The following DLG2 variants were observed in gnomAD, a reference collection of about 807,000 sequenced individuals.
DLG2 encodes discs large MAGUK scaffold protein 2, also known as disks large homolog 2.
A neutral mutation model predicts 132.5 loss-of-function variants in DLG2; 45 were observed. The ratio of observed to expected loss-of-function variants is 0.34; its 90% CI spans 0.27 to 0.44. The LOEUF is 0.44. Among genes scored for constraint, DLG2 ranks in the 20% least tolerant of loss-of-function variants. The probability of loss-of-function intolerance (pLI) is 1.00; values close to 1 mark genes in which losing one functional copy is unlikely to be tolerated. For missense variants in DLG2, 1,045 were observed against 1,196.9 expected (o/e 0.87, Z 1.87); for synonymous variants, 424 against 419.6 (o/e 1.01, Z -0.13).
chr11:85,534,992 C>A (rs1346602547), intron 3 of DLG2, among the ~76,000 whole-genome samples: 1 of 152,190 alleles, frequency 6.6e-6, no homozygotes, highest in African/African-American at 2.4e-5. Flanking sequence ...CACAACCTCA[C>A]CAACACTTGT....
intron 7 of DLG2, among the ~76,000 whole-genome samples, chr11:84,313,649 G>GAAAGAA (rs1555500610): frequency 2.4e-5 from 3 of 125,912 alleles, no homozygotes; most frequent in African/African-American, 9.0e-5. Flanking sequence ...GAAAAAGAAA[G>GAAAGAA]AAAGAAAGAA....
At chr11:84,902,709 T>C (rs561119639) in intron 6 of DLG2, among the ~76,000 whole-genome samples, 2 of 152,294 alleles carry the variant, frequency 1.3e-5, no homozygotes, top group East Asian at 3.9e-4. Context: ...CTGGCATGTA[T>C]AGCTGTCCAC....
At chr11:84,914,228 C>T (rs981242387) in intron 6 of DLG2, among the ~76,000 whole-genome samples, 6 of 151,972 alleles carry the variant, frequency 3.9e-5, no homozygotes, top group Non-Finnish European at 1.5e-5. Context: ...TTGAAAGTGC[C>T]AAAGTCTACA....
chr11:84,923,139 T>C (rs1287630787), intron 6 of DLG2: 6 of 1,613,680 alleles, frequency 3.7e-6, no homozygotes, highest in South Asian at 1.1e-5. Flanking sequence ...AAGGAGCATA[T>C]GGACCGGTAT....
chr11:84,817,611 G>A (rs986405754), intron 6 of DLG2, among the ~76,000 whole-genome samples: 2 of 152,004 alleles, frequency 1.3e-5, no homozygotes, highest in South Asian at 2.1e-4. Context: ...TGCAGCTTAT[G>A]AGTCTGGGAG....
chr11:84,899,249 G>C (rs2154069379), intron 6 of DLG2, among the ~76,000 whole-genome samples: 1 of 152,122 alleles, frequency 6.6e-6, no homozygotes, highest in Middle Eastern at 3.4e-3. Flanking sequence ...CCACTCTGAT[G>C]AAATTACAAT....
At chr11:83,532,182 C>G (rs895428027) in intron 21 of DLG2, among the ~76,000 whole-genome samples, 2 of 152,024 alleles carry the variant, frequency 1.3e-5, no homozygotes, top group Admixed American at 6.6e-5. Context: ...ATTTTAAAAA[C>G]ATGTACACAT....
chr11:83,922,517 C>A (rs967789660), intron 15 of DLG2, among the ~76,000 whole-genome samples: 15 of 152,236 alleles, frequency 9.9e-5, no homozygotes. Flanking sequence ...ATAAAGAATT[C>A]TTTAAGATTA....
chr11:85,518,948 G>C (rs957102474), intron 3 of DLG2, among the ~76,000 whole-genome samples: 3 of 152,290 alleles, frequency 2.0e-5, no homozygotes, highest in African/African-American at 7.2e-5. Flanking sequence ...GTGGTGTTGA[G>C]CCTGTGGGTG....
At chr11:84,815,362 G>T (rs1231844998) in intron 6 of DLG2, among the ~76,000 whole-genome samples, 1 of 152,028 alleles carries the variant, frequency 6.6e-6, no homozygotes, top group Non-Finnish European at 1.5e-5. Flanking sequence ...GTCAAAATTT[G>T]ATGACATCTC....
At chr11:83,517,635 T>C (rs980859840) in intron 21 of DLG2, among the ~76,000 whole-genome samples, 2 of 152,196 alleles carry the variant, frequency 1.3e-5, no homozygotes, top group African/African-American at 4.8e-5. Context: ...CTCTGTTTTT[T>C]CCCCATCTTT....
intron 3 of DLG2, among the ~76,000 whole-genome samples, chr11:85,309,970 G>C (rs1347133786): frequency 6.6e-6 from 1 of 152,020 alleles, no homozygotes; most frequent in Non-Finnish European, 1.5e-5. Context: ...ATGCTACCTG[G>C]TACATAGCAG....
intron 3 of DLG2, among the ~76,000 whole-genome samples, chr11:85,406,154 C>T (rs1036535050): frequency 3.3e-5 from 5 of 151,664 alleles, no homozygotes; most frequent in African/African-American, 1.2e-4. Flanking sequence ...AAACATTGGA[C>T]TCTGAATGAA....
intron 6 of DLG2, among the ~76,000 whole-genome samples, chr11:84,891,662 C>A (rs1004229260): frequency 1.1e-4 from 17 of 152,246 alleles, no homozygotes; most frequent in African/African-American, 3.9e-4. Context: ...CAGAGGAAAT[C>A]ATCTTTATCA....
intron 3 of DLG2, among the ~76,000 whole-genome samples, chr11:85,418,348 G>C (rs939320989): frequency 6.6e-6 from 1 of 152,152 alleles, no homozygotes; most frequent in Non-Finnish European, 1.5e-5. Context: ...TTGCTTAGGA[G>C]TGTTTTACTT....
rs960304560 is a variant in DLG2, at chr11:85,165,142, C to T, written c.187-10491G>A. Among the ~76,000 whole-genome samples, 6 of 152,160 alleles carry T rather than the reference C, an allele frequency of 3.9e-5. No homozygotes were observed. The East Asian group carries it at 7.7e-4, about 20-fold the overall frequency. The stretch of plus-strand genomic sequence containing the variant: ...CATTTACGAAGAGATAGATGATTCT[C>T]GGCACAATGGAAAATTAATGCCTGT... On this transcript the variant is annotated intron_variant, in intron 4 of 27. Transcript: ENST00000376104.
chr11:84,759,241 A>G (rs986666380), intron 6 of DLG2, among the ~76,000 whole-genome samples: 1 of 152,194 alleles, frequency 6.6e-6, no homozygotes, highest in Non-Finnish European at 1.5e-5. Context: ...ACCTGGAGAT[A>G]TAGATGTGAA....
intron 11 of DLG2, among the ~76,000 whole-genome samples, chr11:84,047,289 T>C (rs911217259): frequency 2.6e-5 from 4 of 151,712 alleles, no homozygotes; most frequent in Non-Finnish European, 4.4e-5. Context: ...TTTCTGTGCA[T>C]ATTTCCTTTT....
intron 18 of DLG2, among the ~76,000 whole-genome samples, chr11:83,749,272 G>A (rs2153732725): frequency 6.6e-6 from 1 of 152,258 alleles, no homozygotes; most frequent in South Asian, 2.1e-4. Flanking sequence ...TCCTGATAGC[G>A]TCTCCTTCAG....
Sources: gnomAD v4.1 joint callset for allele counts (sites outside exome capture counted in the v4.1 genomes callset) on GRCh38, gnomAD v4.1.1 for gene constraint, MANE v1.5 for transcripts, NCBI Gene and HGNC (gene_info 2026-07-23, HGNC 2026-07-21) for gene names.